The following ZC3H12B variants were observed in gnomAD, a reference collection of about 807,000 sequenced individuals.
ZC3H12B encodes probable ribonuclease ZC3H12B.
A neutral mutation model predicts 43.9 loss-of-function variants in ZC3H12B; 7 were observed. The observed-to-expected ratio is 0.16, with a 90% CI of 0.09 to 0.30. ZC3H12B has a LOEUF of 0.30. ZC3H12B is among the 10% of genes least tolerant of loss of function. ZC3H12B has a pLI of 1.00. For missense variants in ZC3H12B, 475 were observed against 670.2 expected (o/e 0.71, Z 3.22); for synonymous variants, 222 against 241.7 (o/e 0.92, Z 0.76).
the ZC3H12B span, among the ~76,000 whole-genome samples, chrX:65,248,431 A>C: frequency 3.6e-5 from 4 of 111,846 alleles, no homozygotes; most frequent in East Asian, 5.6e-4. Context: ...TTGGAATAAG[A>C]ACTGATGTAT....
At chrX:65,480,269 C>G (rs920455153) in intron 3 of ZC3H12B, among the ~76,000 whole-genome samples, 1 of 112,154 alleles carries the variant, frequency 8.9e-6, no homozygotes, top group African/African-American at 3.2e-5. Context: ...AGGTTTGTTA[C>G]AGTACATTGT....
chrX:65,437,912 T>C (rs2067241013), intron 3 of ZC3H12B, among the ~76,000 whole-genome samples: 1 of 112,654 alleles, frequency 8.9e-6, no homozygotes, highest in South Asian at 3.7e-4. Flanking sequence ...TCTTCCTTTT[T>C]GTATGCAGCA....
chrX:65,345,253 A>C, the ZC3H12B span, among the ~76,000 whole-genome samples: 1 of 112,241 alleles, frequency 8.9e-6, no homozygotes, highest in Non-Finnish European at 1.9e-5. Flanking sequence ...ATGCATATGT[A>C]CATTGCAGCA....
At chrX:65,073,962 T>C in the ZC3H12B span, among the ~76,000 whole-genome samples, 2 of 112,014 alleles carry the variant, frequency 1.8e-5, no homozygotes, top group Admixed American at 9.5e-5. Flanking sequence ...GCGCCAGTTG[T>C]CCCAGTCCCT....
chrX:65,267,547 C>A, the ZC3H12B span, among the ~76,000 whole-genome samples: 2 of 110,601 alleles, frequency 1.8e-5, no homozygotes, highest in Non-Finnish European at 3.8e-5. Context: ...ATATTGGACT[C>A]ATTCGAAAAA....
At chrX:65,361,993 G>A (rs748939595), upstream of ZC3H12B, among the ~76,000 whole-genome samples, 3 of 112,241 alleles carry the variant, frequency 2.7e-5, no homozygotes, top group Admixed American at 1.9e-4. Context: ...CTTGCTTCAA[G>A]TGCCAGAAAT....
chrX:65,364,175 C>T (rs902344580), upstream of ZC3H12B, among the ~76,000 whole-genome samples: 2 of 110,885 alleles, frequency 1.8e-5, no homozygotes, highest in Non-Finnish European at 3.8e-5. Flanking sequence ...ATCATTGAGG[C>T]TACCGCTCTG....
At chrX:65,194,327 T>A in the ZC3H12B span, among the ~76,000 whole-genome samples, 1 of 108,501 alleles carries the variant, frequency 9.2e-6, no homozygotes, top group Non-Finnish European at 1.9e-5. Flanking sequence ...CACTCCAGCA[T>A]GGCACATGTA....
the ZC3H12B span, among the ~76,000 whole-genome samples, chrX:65,109,300 C>T: frequency 9.0e-6 from 1 of 111,497 alleles, no homozygotes; most frequent in Non-Finnish European, 1.9e-5. Flanking sequence ...CATGTTAGAA[C>T]ATTTTCATTA....
the ZC3H12B span, among the ~76,000 whole-genome samples, chrX:65,182,556 C>CA: frequency 1.8e-5 from 2 of 110,456 alleles, no homozygotes; most frequent in African/African-American, 3.3e-5. Flanking sequence ...GCAATTGTAA[C>CA]AAAAAAATTA....
chrX:65,113,683 A>G, the ZC3H12B span, among the ~76,000 whole-genome samples: 1 of 110,203 alleles, frequency 9.1e-6, no homozygotes, highest in African/African-American at 3.3e-5. Flanking sequence ...CAGCACTCCA[A>G]CCTTCAGGAA....
the ZC3H12B span, among the ~76,000 whole-genome samples, chrX:65,220,235 C>A: frequency 9.0e-6 from 1 of 111,235 alleles, no homozygotes; most frequent in Non-Finnish European, 1.9e-5. Context: ...CAAAATACAC[C>A]AAAACAGAAT....
chrX:65,240,165 T>C, the ZC3H12B span, among the ~76,000 whole-genome samples: 8 of 112,127 alleles, frequency 7.1e-5, no homozygotes, highest in African/African-American at 1.9e-4. Flanking sequence ...TCCTGTAGTA[T>C]GATTTCCAAG....
At chrX:65,367,491 T>C (rs1602326292) in intron 1 of ZC3H12B, among the ~76,000 whole-genome samples, 1 of 111,793 alleles carries the variant, frequency 8.9e-6, no homozygotes, top group African/African-American at 3.2e-5. Context: ...TTTTTGAAAT[T>C]TGCTTATGTA....
At chrX:65,494,916 C>A (rs1342435367) in intron 1 of ZC3H12B, among the ~76,000 whole-genome samples, 13 of 111,877 alleles carry the variant, frequency 1.2e-4, no homozygotes, top group Non-Finnish European at 1.9e-5. Flanking sequence ...CATAGCACTG[C>A]AGAGCCAAAT....
At chrX:65,462,434 C>T (rs758650239) in intron 3 of ZC3H12B, among the ~76,000 whole-genome samples, 2 of 111,176 alleles carry the variant, frequency 1.8e-5, no homozygotes, top group Admixed American at 9.6e-5. Flanking sequence ...ATTGCTTAAA[C>T]GGGGAAGGTG....
At chrX:65,127,741 G>A in the ZC3H12B span, among the ~76,000 whole-genome samples, 1 of 110,889 alleles carries the variant, frequency 9.0e-6, no homozygotes, top group Non-Finnish European at 1.9e-5. Context: ...ATCCACTGAA[G>A]TTATATTCCC....
At chrX:65,212,921 G>C in the ZC3H12B span, among the ~76,000 whole-genome samples, 1 of 106,475 alleles carries the variant, frequency 9.4e-6, no homozygotes, top group African/African-American at 3.4e-5. Flanking sequence ...CAACCAGTTT[G>C]TTCACTTAAT....
the ZC3H12B span, among the ~76,000 whole-genome samples, chrX:65,057,135 G>A: frequency 9.0e-6 from 1 of 111,640 alleles, no homozygotes; most frequent in South Asian, 3.7e-4. Context: ...CACGATATTA[G>A]CTGGTTATTT....
Sources: gnomAD v4.1 joint callset for allele counts (sites outside exome capture counted in the v4.1 genomes callset) on GRCh38, gnomAD v4.1.1 for gene constraint, MANE v1.5 for transcripts, NCBI Gene and HGNC (gene_info 2026-07-23, HGNC 2026-07-21) for gene names.